MLLT10: variants seen among roughly 807,000 people sequenced by gnomAD.
MLLT10 encodes protein AF-10.
A neutral mutation model predicts 129.1 loss-of-function variants in MLLT10; 30 were observed. The ratio of observed to expected loss-of-function variants is 0.23; its 90% CI spans 0.17 to 0.32. MLLT10 has a LOEUF of 0.32. Ranked by LOEUF, MLLT10 falls within the 10% of genes least tolerant of loss-of-function variation. The pLI is 1.00. For synonymous variants in MLLT10, 490 were observed against 446.4 expected, an observed-to-expected ratio of 1.10 and a Z score of -1.23; for missense variants, 1,119 against 1,268.3, an observed-to-expected ratio of 0.88 and a Z score of 1.79.
intron 13 of MLLT10, among the ~76,000 whole-genome samples, chr10:21,709,096 T>A (rs1231066020): frequency 6.6e-6 from 1 of 152,228 alleles, no homozygotes; most frequent in Admixed American, 6.5e-5. Flanking sequence ...CAGTTTTGTC[T>A]AAGTCAAAAG....
At chr10:21,712,039 T>C (rs1426440334) in intron 13 of MLLT10, among the ~76,000 whole-genome samples, 7 of 152,194 alleles carry the variant, frequency 4.6e-5, no homozygotes, top group Admixed American at 4.6e-4. Context: ...GCAGAATGAA[T>C]GCATTGGCTA....
intron 8 of MLLT10, among the ~76,000 whole-genome samples, chr10:21,649,691 G>A (rs1056907272): frequency 6.6e-6 from 1 of 152,184 alleles, no homozygotes; most frequent in Non-Finnish European, 1.5e-5. Flanking sequence ...GCCTCTCTAT[G>A]AGTAGAGTGT....
intron 11 of MLLT10, among the ~76,000 whole-genome samples, chr10:21,674,593 A>G (rs1332761525): frequency 6.6e-6 from 1 of 152,160 alleles, no homozygotes; most frequent in Non-Finnish European, 1.5e-5. Flanking sequence ...TGCAATTTGT[A>G]TTATGAATGT....
chr10:21,698,367 A>G (rs1039460271), intron 13 of MLLT10, among the ~76,000 whole-genome samples: 1 of 152,168 alleles, frequency 6.6e-6, no homozygotes, highest in African/African-American at 2.4e-5. Context: ...AATGATCTCC[A>G]GTTCCATCCA....
chr10:21,627,207 CTCTT>C (rs935244239), intron 8 of MLLT10, among the ~76,000 whole-genome samples: 71 of 152,264 alleles, frequency 4.7e-4, no homozygotes, highest in African/African-American at 1.6e-3. Context: ...CTCTCTCACT[CTCTT>C]TCTCCTCTAC....
At chr10:21,578,563 T>G (rs1464359995) in intron 3 of MLLT10, among the ~76,000 whole-genome samples, 1 of 152,182 alleles carries the variant, frequency 6.6e-6, no homozygotes, top group African/African-American at 2.4e-5. Flanking sequence ...ACCTCCTATG[T>G]TTTTTTCTAA....
chr10:21,564,090 G>A (rs1286181600), intron 3 of MLLT10, among the ~76,000 whole-genome samples: 3 of 152,080 alleles, frequency 2.0e-5, no homozygotes, highest in African/African-American at 7.2e-5. Context: ...GGGATTACAG[G>A]CATGAGCCAC....
In MLLT10 at chr10:21,681,236, G is replaced by GGTGTATTTAA. The variant is rs1398231354; in HGVS notation, c.1622-93_1622-92insTATTTAAGTG. The GGTGTATTTAA allele has an allele frequency of 4.0e-6, 6 of 1,506,984 alleles. No homozygotes were observed. In the East Asian group the frequency reaches 1.4e-4, roughly 35 times the overall value. The allele number at this position is 1,506,984 out of a possible 1,614,324, so 93.4% of individuals were successfully genotyped here. On this transcript the variant is annotated intron_variant, in intron 11 of 22. Coordinates refer to ENST00000307729, the MANE Select transcript of MLLT10 (RefSeq NM_001195626.3). ...GGTGGCCTACTTAACTACACTTTTA[G>GGTGTATTTAA]GTGAATTTCCCTCCATTTTTCTGGC...
At chr10:21,576,242 C>T (rs2040725220) in intron 3 of MLLT10, among the ~76,000 whole-genome samples, 1 of 128,094 alleles carries the variant, frequency 7.8e-6, no homozygotes. Context: ...TATCCATTTA[C>T]TTTTTTTTTT....
At chr10:21,557,074 T>C (rs74120975) in intron 3 of MLLT10, 17 of 1,415,238 alleles carry the variant, frequency 1.2e-5, no homozygotes, top group Middle Eastern at 2.6e-4. Context: ...TCACAAACAT[T>C]TTTGAATCAT....
At chr10:21,625,534 T>G (rs973763247) in intron 8 of MLLT10, 3 of 809,698 alleles carry the variant, frequency 3.7e-6, no homozygotes, top group Non-Finnish European at 6.7e-6. Context: ...AGCATCTGGC[T>G]TGTACTGCTG....
At chr10:21,740,298 A>T in intron 22 of MLLT10, 62 bp downstream of exon 22, 1 of 1,542,656 alleles carries the variant, frequency 6.5e-7, no homozygotes, top group South Asian at 1.2e-5. Context: ...ATCGGAGATG[A>T]TCATTTTCCA....
chr10:21,660,644 G>A (rs1269499916), intron 9 of MLLT10, among the ~76,000 whole-genome samples: 2 of 142,106 alleles, frequency 1.4e-5, no homozygotes, highest in African/African-American at 5.6e-5. Flanking sequence ...AAAGCCAGGT[G>A]TGGTGGATCC....
At chr10:21,646,716 C>G (rs2048512838) in intron 8 of MLLT10, among the ~76,000 whole-genome samples, 1 of 152,158 alleles carries the variant, frequency 6.6e-6, no homozygotes, top group Non-Finnish European at 1.5e-5. Context: ...CTTGACCTAA[C>G]AAGCAGTGAA....
At chr10:21,551,800 C>CTCTT in intron 3 of MLLT10, 2 of 346,810 alleles carry the variant, frequency 5.8e-6, no homozygotes, top group African/African-American at 2.5e-5. Context: ...GTCTCTCTCT[C>CTCTT]TTTTTTTTTT....
chr10:21,645,218 T>C (rs1333458334), intron 8 of MLLT10, among the ~76,000 whole-genome samples: 1 of 152,218 alleles, frequency 6.6e-6, no homozygotes, highest in Non-Finnish European at 1.5e-5. Context: ...TCTAGTTTAC[T>C]CCTTGACAGT....
At chr10:21,542,740 A>T (rs776008187) in intron 3 of MLLT10, among the ~76,000 whole-genome samples, 12 of 152,214 alleles carry the variant, frequency 7.9e-5, no homozygotes, top group Middle Eastern at 3.4e-3. Flanking sequence ...AGAAAAAAAA[A>T]ATTAACCACA....
rs766125843 is a variant in MLLT10, at chr10:21,538,864, A to G, written c.192A>G (p.Gly64=). 1.2e-6 allele frequency: 2 copies of G among 1,613,656 alleles called. No individual in the cohort carries two copies. Among genetic ancestry groups the G allele is most frequent in the Admixed American group, 3.3e-5 (2 of 59,990 alleles). ...ACYGIVQVPT[G]PWFCRKCESQ... is the part of the protein sequence containing the mutation. Reference sequence around the variant, plus strand: ...ATGGCATTGTTCAAGTACCCACTGGACCGTGGTTTTGCAGGAAATGTGAAT... The same window carrying G: ...ATGGCATTGTTCAAGTACCCACTGGGCCGTGGTTTTGCAGGAAATGTGAAT... The change falls in exon 3 of 23, where the codon GGA becomes GGG. Residue 64 remains glycine (G), a synonymous_variant. Coordinates refer to ENST00000307729, the MANE Select transcript of MLLT10 (RefSeq NM_001195626.3).
intron 8 of MLLT10, among the ~76,000 whole-genome samples, chr10:21,627,818 T>C (rs1263706432): frequency 6.6e-6 from 1 of 152,236 alleles, no homozygotes; most frequent in Non-Finnish European, 1.5e-5. Flanking sequence ...CATTAACTTA[T>C]TTCTGTACTC....
Sources: gnomAD v4.1 joint callset for allele counts (sites outside exome capture counted in the v4.1 genomes callset) on GRCh38, gnomAD v4.1.1 for gene constraint, MANE v1.5 for transcripts, NCBI Gene and HGNC (gene_info 2026-07-23, HGNC 2026-07-21) for gene names.